The following PARD3 variants were observed in gnomAD, a reference collection of about 807,000 sequenced individuals.
PARD3 encodes par-3 family cell polarity regulator, also known as partitioning defective 3 homolog.
In PARD3, 75 loss-of-function variants were observed where a neutral mutation model predicts 155.4. The observed-to-expected ratio is 0.48, with a 90% confidence interval of 0.40 to 0.58. The LOEUF is 0.58. Among genes scored for constraint, PARD3 ranks in the 20% least tolerant of loss-of-function variants. PARD3 has a pLI of 0.00. For synonymous variants in PARD3, 576 were observed against 610.5 expected (o/e 0.94, Z 0.83); for missense variants, 1,642 against 1,721.7 (o/e 0.95, Z 0.82).
intron 1 of PARD3, among the ~76,000 whole-genome samples, chr10:34,777,972 T>C (rs1199602853): frequency 6.6e-6 from 1 of 152,134 alleles, no homozygotes; most frequent in Non-Finnish European, 1.5e-5. Context: ...TACCACCACA[T>C]CCACGGCTCT....
chr10:34,313,905 T>G (rs993824397), intron 20 of PARD3, among the ~76,000 whole-genome samples: 7 of 152,068 alleles, frequency 4.6e-5, no homozygotes, highest in African/African-American at 1.4e-4. Flanking sequence ...AAAACTAGAC[T>G]CCCACTACTG....
intron 1 of PARD3, among the ~76,000 whole-genome samples, chr10:34,801,444 T>C (rs1842832612): frequency 6.6e-6 from 1 of 152,158 alleles, no homozygotes; most frequent in African/African-American, 2.4e-5. Flanking sequence ...TACTGTGGTA[T>C]GAAAAAGACG....
At chr10:34,556,900 C>G (rs1043262542) in intron 2 of PARD3, among the ~76,000 whole-genome samples, 2 of 152,084 alleles carry the variant, frequency 1.3e-5, no homozygotes, top group African/African-American at 4.8e-5. Flanking sequence ...TATTGTCATA[C>G]AAAACCTTTC....
At chr10:34,374,408 AT>A (rs1027529416) in intron 11 of PARD3, among the ~76,000 whole-genome samples, 4 of 152,244 alleles carry the variant, frequency 2.6e-5, no homozygotes, top group Non-Finnish European at 4.4e-5. Context: ...TTTAATAATA[AT>A]TTTTTTAAAA....
intron 5 of PARD3, among the ~76,000 whole-genome samples, chr10:34,416,563 C>T (rs1268934333): frequency 1.3e-5 from 2 of 152,160 alleles, no homozygotes; most frequent in Non-Finnish European, 2.9e-5. Flanking sequence ...GGCATCTTTG[C>T]ACCTACAGCA....
rs76952785 is a variant in PARD3, at chr10:34,733,000, C to T, written c.121-36581G>A. Among the ~76,000 whole-genome samples, 814 of 152,230 alleles carry T rather than the reference C, an allele frequency of 5.3e-3. 8 individuals carry two copies. Among genetic ancestry groups the T allele is most frequent in the African/African-American group, 0.018 (734 of 41,554 alleles). On this transcript the variant is annotated intron_variant, in intron 1 of 24. Coordinates refer to ENST00000374788, the MANE Select transcript of PARD3 (RefSeq NM_001184785.2). ...GAAGACTCCAGTCTAGTGTCTCTTCCCCACCTCCCACCCTCTCTTTGAACT... is the reference window on the plus strand; with the variant it reads ...GAAGACTCCAGTCTAGTGTCTCTTCTCCACCTCCCACCCTCTCTTTGAACT...
intron 1 of PARD3, among the ~76,000 whole-genome samples, chr10:34,702,259 G>A (rs1258399054): frequency 6.6e-6 from 1 of 151,868 alleles, no homozygotes; most frequent in Non-Finnish European, 1.5e-5. Context: ...GGAGGCTGAG[G>A]TGGGAGGATC....
chr10:34,372,642 C>A, intron 11 of PARD3, 106 bp from the exon 12 acceptor site: 1 of 806,206 alleles, frequency 1.2e-6, no homozygotes, highest in South Asian at 1.5e-5. Flanking sequence ...TTCTTAAAAT[C>A]CACAAAATAT....
intron 22 of PARD3, among the ~76,000 whole-genome samples, chr10:34,186,337 G>A (rs1208093330): frequency 6.7e-6 from 1 of 148,836 alleles, no homozygotes; most frequent in East Asian, 2.0e-4. Context: ...TCCAGCCTGG[G>A]TGACAGAATG....
rs1395432501 is a variant in PARD3, at chr10:34,591,530, T to C, written c.223-74371A>G. ...ACATTACACTAATAAGGTAATATCATATAGTAAAGTAAGAATTAAAATAGG... is the reference window on the plus strand; with the variant it reads ...ACATTACACTAATAAGGTAATATCACATAGTAAAGTAAGAATTAAAATAGG... On this transcript the variant is annotated intron_variant, in intron 2 of 24. Coordinates refer to ENST00000374788, the MANE Select transcript of PARD3 (RefSeq NM_001184785.2). Among the ~76,000 whole-genome samples the C allele has an allele frequency of 2.0e-5, 3 of 152,096 alleles. No homozygotes were observed. The East Asian group carries it at 5.8e-4, about 29-fold the overall frequency.
rs1564400327 is a variant in PARD3 at position 34,111,542 on chromosome 10, C to T, written c.3689G>A (p.Ser1230Asn). The change falls in exon 25 of 25, where the codon AGC becomes AAC. Residue 1230 changes from serine to asparagine, a missense_variant. Physicochemically the swap from Ser to Asn is conservative, Grantham distance 46. This residue lies in a region of PARD3 where 1,529 missense variants were observed against 1,587.3 expected (regional missense o/e 0.96). Coordinates refer to ENST00000374788, the MANE Select transcript of PARD3 (RefSeq NM_001184785.2). The stretch of plus-strand genomic sequence containing the variant: ...CTCCCAAGAGTCCTGGGAGACCGAG[C>T]TGGCATTTTTCCTGCTTTGCCTAGA... ...SLPRQSRKNA[S>N]SVSQDSWEQN... 1 of 1,595,912 alleles carries T rather than the reference C, an allele frequency of 6.3e-7. No homozygotes were observed. Among genetic ancestry groups the T allele is most frequent in the Non-Finnish European group, 8.6e-7 (1 of 1,167,772 alleles).
chr10:34,506,058 G>A (rs183962104), intron 3 of PARD3, among the ~76,000 whole-genome samples: 1 of 152,194 alleles, frequency 6.6e-6, no homozygotes, highest in Admixed American at 6.5e-5. Flanking sequence ...CCCAGGAGGT[G>A]GAAGTCGCGG....
chr10:34,784,193 GGAGA>G (rs1184388869), intron 1 of PARD3, among the ~76,000 whole-genome samples: 1 of 151,968 alleles, frequency 6.6e-6, no homozygotes, highest in East Asian at 1.9e-4. Context: ...CCTGGGTGAT[GGAGA>G]GAACTTGTCT....
rs901110699 is a variant in PARD3 at position 34,542,461 on chromosome 10, C to G, written c.223-25302G>C. ...CCTCAATACACAGGACAGTCCCACA[C>G]AACAAAGAATAATCCAGTCCAAAAT... On this transcript the variant is annotated intron_variant, in intron 2 of 24. Coordinates refer to ENST00000374788, the MANE Select transcript of PARD3 (RefSeq NM_001184785.2). 5.9e-5 allele frequency among the ~76,000 whole-genome samples: 9 copies of G among 152,230 alleles called. No individual in the cohort carries two copies. The East Asian group carries it at 1.5e-3, about 26-fold the overall frequency.
chr10:34,631,606 G>A (rs945732516), intron 2 of PARD3, among the ~76,000 whole-genome samples: 2 of 152,064 alleles, frequency 1.3e-5, no homozygotes, highest in African/African-American at 4.8e-5. Context: ...GCTGGTTTTT[G>A]GCTTGAAATA....
chr10:34,401,052 T>C (rs1843828032), intron 6 of PARD3, among the ~76,000 whole-genome samples: 1 of 152,190 alleles, frequency 6.6e-6, no homozygotes. Context: ...TAGTGCCTGC[T>C]TAATCTCACT....
At chr10:34,229,449 T>A (rs576277784) in intron 22 of PARD3, among the ~76,000 whole-genome samples, 57 of 152,184 alleles carry the variant, frequency 3.7e-4, no homozygotes, top group African/African-American at 1.3e-3. Flanking sequence ...GGTCTTGCTA[T>A]GTGACCCAGG....
chr10:34,405,120 T>C (rs1844320076), intron 5 of PARD3, among the ~76,000 whole-genome samples: 1 of 147,854 alleles, frequency 6.8e-6, no homozygotes, highest in African/African-American at 2.5e-5. Context: ...ACACACACTT[T>C]AAAAACTCTT....
intron 1 of PARD3, among the ~76,000 whole-genome samples, chr10:34,728,267 C>T (rs1037440769): frequency 1.3e-5 from 2 of 152,112 alleles, no homozygotes; most frequent in Admixed American, 6.6e-5. Flanking sequence ...TTATATACTG[C>T]TTCAAATACA....
Sources: allele counts gnomAD v4.1 joint callset (sites outside exome capture counted in the v4.1 genomes callset), GRCh38; gene constraint gnomAD v4.1.1; regional missense constraint gnomAD v4.1.1; transcripts MANE v1.5; gene names NCBI Gene and HGNC (gene_info 2026-07-23, HGNC 2026-07-21).